PRKACA: variants seen among roughly 807,000 people sequenced by gnomAD.
The protein encoded by PRKACA is cAMP-dependent protein kinase catalytic subunit alpha.
A neutral mutation model predicts 45.8 loss-of-function variants in PRKACA; 9 were observed. The observed-to-expected ratio is 0.20, with a 90% confidence interval of 0.12 to 0.34. PRKACA has a LOEUF of 0.34. Among genes scored for constraint, PRKACA ranks in the 10% least tolerant of loss-of-function variants. The probability of loss-of-function intolerance (pLI) is 1.00; values close to 1 mark genes in which losing one functional copy is unlikely to be tolerated. For missense variants in PRKACA, 238 were observed against 458.6 expected (o/e 0.52, Z 4.39); for synonymous variants, 160 against 178.6 (o/e 0.90, Z 0.83).
chr19:14,106,985 C>T, intron 2 of PRKACA, 97 bp from the exon 3 acceptor site: 3 of 1,515,216 alleles, frequency 2.0e-6, no homozygotes, highest in Non-Finnish European at 2.7e-6. Flanking sequence ...CAGAGGGGGC[C>T]CCGGGGAGCA....
At chr19:14,093,517 C>T (rs141904364) in intron 9 of PRKACA, 111 bp downstream of exon 9, 132 of 1,386,912 alleles carry the variant, frequency 9.5e-5, no homozygotes, top group East Asian at 4.1e-4. Context: ...AAGCTCTCTA[C>T]TCTAGGTTGC....
At chr19:14,106,684 A>G in intron 3 of PRKACA, 76 bp downstream of exon 3, 2 of 1,579,994 alleles carry the variant, frequency 1.3e-6, no homozygotes, top group Non-Finnish European at 1.7e-6. Context: ...ACGGGTGGAT[A>G]GGGCACTCTA....
chr19:14,097,141 G>A lies in PRKACA; in HGVS notation c.765+220C>T. On this transcript the variant is annotated intron_variant, in intron 8 of 9. Coordinates refer to ENST00000308677, the MANE Select transcript of PRKACA (RefSeq NM_002730.4). The surrounding 1 kb of genome is among the most constrained non-coding windows in gnomAD (Gnocchi z 5.4). ...TGTTCCCGTGAGGCTCGGGATTTTG[G>A]AAGCCCATGGGATTCTGGAACCGCG... 1.6e-6 allele frequency: 1 copy of A among 629,564 alleles called. No individual in the cohort carries two copies. The highest frequency in any genetic ancestry group is 2.7e-6 in the Non-Finnish European group (1 of 373,104). 39.0% of individuals were successfully genotyped at this position (629,564 alleles called of 1,614,324 possible).
rs969622384 is a variant in PRKACA, at chr19:14,097,785, A to G, written c.525T>C (p.Ile175=). The G allele has an allele frequency of 1.9e-6, 3 of 1,614,180 alleles. No homozygotes were observed. Among genetic ancestry groups the G allele is most frequent in the Middle Eastern group, 1.6e-4 (1 of 6,062 alleles). ...YRDLKPENLL[I]DQQGYIQVTD... Reference sequence around the variant, plus strand: ...GCACCTGAATGTAGCCCTGCTGGTCAATGAGCAGATTCTCCGGCTTCAGGT... The same window carrying G: ...GCACCTGAATGTAGCCCTGCTGGTCGATGAGCAGATTCTCCGGCTTCAGGT... The change falls in exon 6 of 10, where the codon ATT becomes ATC. Residue 175 remains isoleucine (I), a synonymous_variant. Coordinates refer to ENST00000308677, the MANE Select transcript of PRKACA (RefSeq NM_002730.4). This position sits in a 1 kb window ranked among gnomAD's most constrained non-coding sequence, Gnocchi z 5.4.
intron 1 of PRKACA, among the ~76,000 whole-genome samples, chr19:14,113,333 A>C (rs1295999349): frequency 1.3e-5 from 2 of 152,158 alleles, no homozygotes; most frequent in Non-Finnish European, 2.9e-5. Flanking sequence ...AGCAACAGGA[A>C]GTGGCAGAGG....
In PRKACA at chr19:14,103,040, T is replaced by G. The variant is rs975506065; in HGVS notation, c.238-126A>C. 6.5e-6 allele frequency: 5 copies of G among 775,184 alleles called. No individual in the cohort carries two copies. The African/African-American group carries it at 8.5e-5, about 13-fold the overall frequency. 48.0% of individuals were successfully genotyped at this position (775,184 alleles called of 1,614,324 possible). On this transcript the variant is annotated intron_variant, in intron 3 of 9. Transcript: ENST00000308677. ...CTTCAGCCAGAATCATTTGTGTGCC[T>G]GTGGCCTGTCGGGCCCTTAGCTGAT...
rs562222068 is a variant in PRKACA at position 14,106,965 on chromosome 19, C to G, written c.109-77G>C. The stretch of plus-strand genomic sequence containing the variant: ...TTGGCTAAGGTCTGGGGCATCCCCT[C>G]TGCCACCGGCAGAGGGGGCCCCGGG... On this transcript the variant is annotated intron_variant, in intron 2 of 9. Transcript: ENST00000308677. 13 of 1,561,822 alleles carry G rather than the reference C, an allele frequency of 8.3e-6. No homozygotes were observed. In the Admixed American group the frequency reaches 1.0e-4, roughly 12 times the overall value.
chr19:14,099,471 G>T (rs1462396447), intron 5 of PRKACA, among the ~76,000 whole-genome samples: 1 of 149,920 alleles, frequency 6.7e-6, no homozygotes, highest in Non-Finnish European at 1.5e-5. Context: ...TGTTGAACCA[G>T]CCTTGCATCC....
At chr19:14,109,898 A>T (rs1234703398) in intron 1 of PRKACA, among the ~76,000 whole-genome samples, 2 of 126,628 alleles carry the variant, frequency 1.6e-5, no homozygotes, top group African/African-American at 6.0e-5. Context: ...AGATCATGCC[A>T]CTGCACTCCA....
Position 14,093,247 on chromosome 19 carries a change from G to C in PRKACA, c.931-10C>G. 3 of 1,609,948 alleles carry C rather than the reference G, an allele frequency of 1.9e-6. No homozygotes were observed. The highest frequency in any genetic ancestry group is 2.5e-6 in the Non-Finnish European group (3 of 1,178,630). On this transcript the variant is annotated splice_polypyrimidine_tract_variant and intron_variant, in intron 9 of 9. Coordinates refer to ENST00000308677, the MANE Select transcript of PRKACA (RefSeq NM_002730.4). Reference sequence around the variant, plus strand: ...TGAAGGGAGCTTCCACCTGGAGAGGGATCAAGAATCACCCAGACCTCAGCA... The same window carrying C: ...TGAAGGGAGCTTCCACCTGGAGAGGCATCAAGAATCACCCAGACCTCAGCA...
intron 9 of PRKACA, 98 bp downstream of exon 9, chr19:14,093,530 C>T: frequency 6.8e-7 from 1 of 1,462,190 alleles, no homozygotes; most frequent in Non-Finnish European, 9.3e-7. Flanking sequence ...TAGGTTGCTC[C>T]TGAACCTGTG....
At chr19:14,112,800 G>A (rs1398653772) in intron 1 of PRKACA, among the ~76,000 whole-genome samples, 1 of 152,244 alleles carries the variant, frequency 6.6e-6, no homozygotes, top group Non-Finnish European at 1.5e-5. Flanking sequence ...AGTGGGCACT[G>A]GACTGTGCAG....
chr19:14,101,259 C>A, intron 4 of PRKACA: 1 of 242,924 alleles, frequency 4.1e-6, no homozygotes, highest in Non-Finnish European at 8.3e-6. Flanking sequence ...AAAAAGATGG[C>A]CCCTGGTTAA....
Position 14,093,049 on chromosome 19 carries a change from C to CGG in PRKACA, c.*62_*63insCC. ...CTCTGGCTGTTCAATCCAACCCTCCCACCCCCCCGACCAAAAAAAAGAAAA... is the reference window on the plus strand; with the variant it reads ...CTCTGGCTGTTCAATCCAACCCTCCCGGACCCCCCCGACCAAAAAAAAGAAAA... On this transcript the variant is annotated 3_prime_UTR_variant, in exon 10 of 10. Coordinates refer to ENST00000308677, the MANE Select transcript of PRKACA (RefSeq NM_002730.4). The CGG allele has an allele frequency of 1.1e-6, 1 of 897,064 alleles. No homozygotes were observed. The highest frequency in any genetic ancestry group is 1.6e-6 in the Non-Finnish European group (1 of 645,022). 55.6% of individuals were successfully genotyped at this position (897,064 alleles called of 1,614,324 possible). A position where few individuals can be genotyped will look rare whatever the true frequency, so the allele number is the denominator to read the frequency against.
chr19:14,095,113 G>A (rs1020782040), intron 8 of PRKACA, among the ~76,000 whole-genome samples: 4 of 152,150 alleles, frequency 2.6e-5, no homozygotes, highest in African/African-American at 7.2e-5. Context: ...TTCTCCTGTG[G>A]GATCTTCTGT....
intron 1 of PRKACA, chr19:14,115,068 C>T: frequency 3.0e-6 from 3 of 985,260 alleles, no homozygotes; most frequent in Non-Finnish European, 1.2e-6. Flanking sequence ...CGCCTCAAAG[C>T]AAAGAGGGAC....
intron 1 of PRKACA, chr19:14,108,238 A>G (rs1977671057): frequency 1.2e-6 from 1 of 817,282 alleles, no homozygotes; most frequent in Non-Finnish European, 1.5e-6. Context: ...GACTTTGGGT[A>G]ACTGATCTCA....
intron 1 of PRKACA, 26 bp from the exon 2 acceptor site, chr19:14,107,435 T>C (rs1158197467): frequency 7.5e-6 from 12 of 1,608,496 alleles, no homozygotes; most frequent in Non-Finnish European, 9.4e-6. Flanking sequence ...GGGAGAGTTA[T>C]ACAGAGACGC....
Position 14,097,894 on chromosome 19 carries a change from A to T in PRKACA, c.420-4T>A. 1 of 1,614,072 alleles carries T rather than the reference A, an allele frequency of 6.2e-7. No homozygotes were observed. Among genetic ancestry groups the T allele is most frequent in the Non-Finnish European group, 8.5e-7 (1 of 1,179,996 alleles). On this transcript the variant is annotated splice_region_variant and splice_polypyrimidine_tract_variant and intron_variant, in intron 5 of 9. Transcript: ENST00000308677. This position sits in a 1 kb window ranked among gnomAD's most constrained non-coding sequence, Gnocchi z 5.4. The stretch of plus-strand genomic sequence containing the variant: ...GTAGAAACGGGCATGGGGCTCACTG[A>T]TGGGGACAAATGGGGAGGTGAACGT...
Sources: allele counts gnomAD v4.1 joint callset (sites outside exome capture counted in the v4.1 genomes callset), GRCh38; gene constraint gnomAD v4.1.1; non-coding constraint Gnocchi (gnomAD v3.1); transcripts MANE v1.5; gene names NCBI Gene and HGNC (gene_info 2026-07-23, HGNC 2026-07-21).